STPG2: variants seen among roughly 807,000 people sequenced by gnomAD.
STPG2 encodes sperm-tail PG-rich repeat-containing protein 2.
Under a neutral mutation model 54.2 loss-of-function variants are expected in STPG2, and 56 were observed. That is an observed-to-expected ratio of 1.03 (90% CI 0.83 to 1.29). The LOEUF (loss-of-function observed/expected upper bound fraction) is 1.29. STPG2 is among the 50% of genes most tolerant of loss of function. STPG2 has a pLI of 0.00. For synonymous variants in STPG2, 200 were observed against 181.8 expected, an observed-to-expected ratio of 1.10 and a Z score of -0.81; for missense variants, 596 against 544.9, an observed-to-expected ratio of 1.09 and a Z score of -0.93.
At chr4:97,532,484 A>C (rs925375428) in intron 4 of STPG2, among the ~76,000 whole-genome samples, 4 of 152,324 alleles carry the variant, frequency 2.6e-5, no homozygotes, top group Middle Eastern at 3.4e-3. Context: ...ATAAAGTGGC[A>C]TACACAAGAA....
At chr4:97,592,729 G>A (rs1175047153) in intron 10 of STPG2, among the ~76,000 whole-genome samples, 3 of 152,074 alleles carry the variant, frequency 2.0e-5, no homozygotes, top group East Asian at 1.9e-4. Flanking sequence ...ACCAGAACTC[G>A]TTTTTGGCCA....
At chr4:97,444,390 T>A (rs1729166386) in intron 4 of STPG2, among the ~76,000 whole-genome samples, 1 of 152,104 alleles carries the variant, frequency 6.6e-6, no homozygotes, top group Non-Finnish European at 1.5e-5. Flanking sequence ...ATAAAAAAGT[T>A]GTAAAAGCAG....
At chr4:97,643,205 T>A (rs1560700181) in intron 10 of STPG2, among the ~76,000 whole-genome samples, 1 of 151,640 alleles carries the variant, frequency 6.6e-6, no homozygotes, top group Non-Finnish European at 1.5e-5. Context: ...GAAAAATTTT[T>A]AAAAAGAGGT....
At chr4:97,974,673 A>G (rs1392693656) in intron 6 of STPG2, among the ~76,000 whole-genome samples, 1 of 151,852 alleles carries the variant, frequency 6.6e-6, no homozygotes, top group Non-Finnish European at 1.5e-5. Flanking sequence ...TCCCTGCACA[A>G]GCTCCCTCCT....
chr4:98,008,690 A>C (rs1735647986), intron 5 of STPG2, among the ~76,000 whole-genome samples: 1 of 152,022 alleles, frequency 6.6e-6, no homozygotes, highest in Non-Finnish European at 1.5e-5. Context: ...TCCACAAAAC[A>C]ACTAGGTAAC....
At chr4:97,775,779 T>A (rs922570695) in intron 9 of STPG2, among the ~76,000 whole-genome samples, 1 of 152,182 alleles carries the variant, frequency 6.6e-6, no homozygotes, top group Non-Finnish European at 1.5e-5. Context: ...TTATTATTAT[T>A]ATTTTTAAAA....
intron 8 of STPG2, among the ~76,000 whole-genome samples, chr4:97,921,607 A>C (rs1263766722): frequency 2.0e-5 from 3 of 152,048 alleles, no homozygotes; most frequent in African/African-American, 7.2e-5. Context: ...AGGAACAAAA[A>C]GAAAGCAAAA....
At chr4:97,505,754 T>A (rs553001509) in intron 4 of STPG2, among the ~76,000 whole-genome samples, 34 of 152,036 alleles carry the variant, frequency 2.2e-4, no homozygotes, top group Non-Finnish European at 4.6e-4. Context: ...AGTACTACTA[T>A]ATTGTGCAAC....
chr4:98,034,753 T>C (rs1736717714), intron 5 of STPG2, among the ~76,000 whole-genome samples: 1 of 152,142 alleles, frequency 6.6e-6, no homozygotes, highest in African/African-American at 2.4e-5. Context: ...AACAGATATA[T>C]AGACCAATGG....
chr4:97,951,771 C>T (rs1159541252), intron 7 of STPG2, among the ~76,000 whole-genome samples: 2 of 152,048 alleles, frequency 1.3e-5, no homozygotes, highest in Admixed American at 6.5e-5. Flanking sequence ...TATTTATTCA[C>T]CAGTATTTTA....
chr4:97,968,599 G>T (rs969300322), intron 7 of STPG2, among the ~76,000 whole-genome samples: 1 of 152,106 alleles, frequency 6.6e-6, no homozygotes, highest in African/African-American at 2.4e-5. Flanking sequence ...AGATCAAGTT[G>T]GCTTCATCCC....
chr4:97,969,900 T>C (rs1734260401), intron 7 of STPG2, among the ~76,000 whole-genome samples: 1 of 152,202 alleles, frequency 6.6e-6, no homozygotes, highest in South Asian at 2.1e-4. Context: ...CATGCTTGTA[T>C]ATTTAGAAAA....
At chr4:97,844,958 T>G (rs779433487) in intron 8 of STPG2, among the ~76,000 whole-genome samples, 1 of 152,012 alleles carries the variant, frequency 6.6e-6, no homozygotes, top group Non-Finnish European at 1.5e-5. Flanking sequence ...CTGAGTCAAG[T>G]TAGTAAATTT....
At chr4:97,861,006 A>G (rs1729513191) in intron 8 of STPG2, among the ~76,000 whole-genome samples, 1 of 152,186 alleles carries the variant, frequency 6.6e-6, no homozygotes, top group South Asian at 2.1e-4. Context: ...GGATCACATC[A>G]AGTTAAAAAG....
intron 9 of STPG2, among the ~76,000 whole-genome samples, chr4:97,802,536 T>G (rs1353408768): frequency 6.6e-6 from 1 of 152,104 alleles, no homozygotes; most frequent in Non-Finnish European, 1.5e-5. Context: ...AATGGTGGGA[T>G]CTGGGCTCAC....
chr4:97,908,512 T>G (rs1054087817), intron 8 of STPG2, among the ~76,000 whole-genome samples: 1 of 151,852 alleles, frequency 6.6e-6, no homozygotes, highest in African/African-American at 2.4e-5. Flanking sequence ...ATCCCATTAC[T>G]GGGTATATAC....
At chr4:97,524,980 C>A (rs2148849203) in intron 4 of STPG2, among the ~76,000 whole-genome samples, 1 of 151,976 alleles carries the variant, frequency 6.6e-6, no homozygotes. Flanking sequence ...AAAGATTCAA[C>A]ATTTAACAGT....
intron 8 of STPG2, among the ~76,000 whole-genome samples, chr4:97,901,455 C>T (rs182444134): frequency 1.3e-5 from 2 of 151,804 alleles, no homozygotes; most frequent in East Asian, 1.9e-4. Flanking sequence ...TACTGCCCCC[C>T]CAAAAAAAGT....
rs539709525 is a variant in STPG2 at position 97,559,904 on chromosome 4, C to A, written c.1321-787G>T. 1.1e-4 allele frequency among the ~76,000 whole-genome samples: 17 copies of A among 152,180 alleles called. 1 individual carries two copies. Among genetic ancestry groups the A allele is most frequent in the Admixed American group, 1.0e-3 (16 of 15,268 alleles). On this transcript the variant is annotated intron_variant, in intron 10 of 10. Coordinates refer to ENST00000295268, the MANE Select transcript of STPG2 (RefSeq NM_174952.3). Reference sequence around the variant, plus strand: ...TAGTAAGAGCCTACTGTATGCAAAGCATTTTCAATTCTTTAATTTCCTTGC... The same window carrying A: ...TAGTAAGAGCCTACTGTATGCAAAGAATTTTCAATTCTTTAATTTCCTTGC...
Sources: gnomAD v4.1 joint callset for allele counts (sites outside exome capture counted in the v4.1 genomes callset) on GRCh38, gnomAD v4.1.1 for gene constraint, MANE v1.5 for transcripts, NCBI Gene and HGNC (gene_info 2026-07-23, HGNC 2026-07-21) for gene names.